The following ZKSCAN3 variants were observed in gnomAD, a reference collection of about 807,000 sequenced individuals.
ZKSCAN3 encodes the protein zinc finger protein with KRAB and SCAN domains 3.
ZKSCAN3 carries 21 observed loss-of-function variants against 30.7 expected under a neutral mutation model. That is an observed-to-expected ratio of 0.68 (90% CI 0.49 to 0.99). The LOEUF is 0.99. Among genes scored for constraint, ZKSCAN3 ranks in the 50% least tolerant of loss-of-function variants. The pLI, the probability that ZKSCAN3 is intolerant of heterozygous loss-of-function variation, is 0.00. For synonymous variants in ZKSCAN3, 201 were observed against 246.7 expected (o/e 0.81, Z 1.73); for missense variants, 507 against 647.1 (o/e 0.78, Z 2.35).
Position 28,359,764 on chromosome 6 carries a change from C to T in ZKSCAN3, c.178C>T (p.Pro60Ser). Residue 60 changes from proline (P) to serine (S), a missense_variant, in exon 2 of 6, where the codon CCC becomes TCC. Transcript: ENST00000252211. ...CTTCCGCTACCCGGAGGCTGCAGGC[C>T]CCCGCGAGGCGCTGAGTCGGCTCCG... ...RGFRYPEAAG[P>S]REALSRLREL... 1 of 1,614,178 alleles carries T rather than the reference C, an allele frequency of 6.2e-7. No homozygotes were observed. Among genetic ancestry groups the T allele is most frequent in the East Asian group, 2.2e-5 (1 of 44,886 alleles).
rs769399777 is a variant in ZKSCAN3, at chr6:28,359,714, A to AGGGCTCCCGCGAGCGCTTCCG, written c.129_149dup (p.Ser45_Gly51dup). 1.9e-6 allele frequency: 3 copies of AGGGCTCCCGCGAGCGCTTCCG among 1,614,198 alleles called. No individual in the cohort carries two copies. Among genetic ancestry groups the AGGGCTCCCGCGAGCGCTTCCG allele is most frequent in the Middle Eastern group, 1.6e-4 (1 of 6,062 alleles). On this transcript the variant is annotated inframe_insertion, in exon 2 of 6. Transcript: ENST00000252211. ...CCCAGTAGCCCAGATCTGGGTTCTG[A>AGGGCTCCCGCGAGCGCTTCCG]GGGCTCCCGCGAGCGCTTCCGAGGC...
At chr6:28,365,218 T>A (rs924635339) in intron 5 of ZKSCAN3, among the ~76,000 whole-genome samples, 2 of 151,908 alleles carry the variant, frequency 1.3e-5, no homozygotes, top group Non-Finnish European at 2.9e-5. Flanking sequence ...ACTCCCAGTG[T>A]GTACCTTTCC....
chr6:28,361,176 A>G, intron 2 of ZKSCAN3, 148 bp from the exon 3 acceptor site: 1 of 858,154 alleles, frequency 1.2e-6, no homozygotes. Context: ...TAAAATGGGT[A>G]TAATAATAAT....
intron 2 of ZKSCAN3, chr6:28,360,805 A>G (rs1765725341): frequency 2.1e-6 from 2 of 960,678 alleles, no homozygotes; most frequent in South Asian, 4.8e-5. Flanking sequence ...TGAGCTGCAC[A>G]TGAGAAAGTA....
At chr6:28,355,344 C>A (rs749649379) in intron 1 of ZKSCAN3, 2 of 152,166 alleles carry the variant, frequency 1.3e-5, no homozygotes, top group Non-Finnish European at 2.9e-5. Flanking sequence ...GTAAGTCATG[C>A]GCGCGACGAC....
chr6:28,352,720 TA>T (rs968419089), intron 1 of ZKSCAN3, among the ~76,000 whole-genome samples: 2 of 152,224 alleles, frequency 1.3e-5, no homozygotes, highest in Non-Finnish European at 2.9e-5. Context: ...ATTTTGGTAT[TA>T]TTAGCTCATG....
intron 1 of ZKSCAN3, among the ~76,000 whole-genome samples, chr6:28,359,303 G>A (rs1221304954): frequency 6.6e-6 from 1 of 152,068 alleles, no homozygotes; most frequent in Admixed American, 6.5e-5. Flanking sequence ...TTTTTTTCCT[G>A]ATTAGTCAGG....
In ZKSCAN3 at chr6:28,360,711, G is replaced by T. The variant is rs916640715; in HGVS notation, c.403-613G>T. ...GCTGGATACCAGGGTTCTTGACTTGGGTCTGTTGCACCCAAGGCCTGTAAC... is the reference window on the plus strand; with the variant it reads ...GCTGGATACCAGGGTTCTTGACTTGTGTCTGTTGCACCCAAGGCCTGTAAC... On this transcript the variant is annotated intron_variant, in intron 2 of 5. Coordinates refer to ENST00000252211, the MANE Select transcript of ZKSCAN3 (RefSeq NM_024493.4). The T allele has an allele frequency of 4.1e-6, 4 of 985,392 alleles. No homozygotes were observed. The African/African-American group carries it at 7.0e-5, about 17-fold the overall frequency. 61.0% of individuals were successfully genotyped at this position (985,392 alleles called of 1,614,324 possible). A position where few individuals can be genotyped will look rare whatever the true frequency, so the allele number is the denominator to read the frequency against.
rs1164375840 is a variant in ZKSCAN3 at position 28,359,504 on chromosome 6, T to A, written c.-62-21T>A. 11 of 1,530,712 alleles carry A rather than the reference T, an allele frequency of 7.2e-6. No homozygotes were observed. The African/African-American group carries it at 1.5e-4, about 21-fold the overall frequency. 94.8% of individuals were successfully genotyped at this position (1,530,712 alleles called of 1,614,324 possible). The stretch of plus-strand genomic sequence containing the variant: ...GACTACTTGCAAGTTTACTGGTTAA[T>A]AATGATTTCCCACCTTTCAGGGATC... On this transcript the variant is annotated intron_variant, in intron 1 of 5. Transcript: ENST00000252211.
At chr6:28,360,590 C>T (rs1366679285) in intron 2 of ZKSCAN3, 2 of 980,736 alleles carry the variant, frequency 2.0e-6, no homozygotes, top group East Asian at 1.1e-4. Context: ...CCATGTTCTT[C>T]CCTGTTTTAT....
intron 3 of ZKSCAN3, among the ~76,000 whole-genome samples, chr6:28,362,108 C>T (rs1239656290): frequency 6.6e-6 from 1 of 152,204 alleles, no homozygotes; most frequent in Admixed American, 6.5e-5. Flanking sequence ...TGTATACCAG[C>T]TACTTGTCTT....
chr6:28,361,309 A>G lies in ZKSCAN3; in HGVS notation c.403-15A>G. The stretch of plus-strand genomic sequence containing the variant: ...GTTTGATGAAAACATGAAAATAAGA[A>G]CAAATGATTTCTAGGTTTCAGGTGT... On this transcript the variant is annotated splice_polypyrimidine_tract_variant and intron_variant, in intron 2 of 5. Coordinates refer to ENST00000252211, the MANE Select transcript of ZKSCAN3 (RefSeq NM_024493.4). 1 of 1,610,330 alleles carries G rather than the reference A, an allele frequency of 6.2e-7. No individual in the cohort carries two copies. Among genetic ancestry groups the G allele is most frequent in the Non-Finnish European group, 8.5e-7 (1 of 1,179,110 alleles).
chr6:28,360,119 A>G, intron 2 of ZKSCAN3, 131 bp downstream of exon 2: 1 of 1,504,250 alleles, frequency 6.6e-7, no homozygotes. Flanking sequence ...CCTCCTTGGC[A>G]GTAAGGTGAA....
At chr6:28,361,188 C>A in intron 2 of ZKSCAN3, 136 bp from the exon 3 acceptor site, 1 of 944,512 alleles carries the variant, frequency 1.1e-6, no homozygotes, top group Non-Finnish European at 1.6e-6. Context: ...AATAATAATA[C>A]CTCCCTTATA....
At position 28,365,948 on chromosome 6, in the gene ZKSCAN3, A is replaced by G. The variant is rs1765946735; in HGVS notation, c.1280A>G (p.Gln427Arg). Reference sequence around the variant, plus strand: ...ATCCACACTGGGGAGAAGCCGTATCAGTGCAGTATGTGTGGCAAAGCCTTT... The same window carrying G: ...ATCCACACTGGGGAGAAGCCGTATCGGTGCAGTATGTGTGGCAAAGCCTTT... ...HRIHTGEKPY[Q>R]CSMCGKAFRR... The change falls in exon 6 of 6, where the codon CAG becomes CGG. Residue 427 changes from glutamine (Q) to arginine (R), a missense_variant. Physicochemically the swap from Gln to Arg is conservative, Grantham distance 43 (BLOSUM62 1). Coordinates refer to ENST00000252211, the MANE Select transcript of ZKSCAN3 (RefSeq NM_024493.4). 18 of 1,614,144 alleles carry G rather than the reference A, an allele frequency of 1.1e-5. No homozygotes were observed. Among genetic ancestry groups the G allele is most frequent in the Non-Finnish European group, 1.5e-5 (18 of 1,179,988 alleles).
rs1465240242 is a variant in ZKSCAN3 at position 28,367,198 on chromosome 6, G to A, written c.*913G>A. ...ACCAAAGTGCTGGGATTACAGGCAT[G>A]AGCCACCATGCCCGGCCAAGAATCC... On this transcript the variant is annotated 3_prime_UTR_variant, in exon 6 of 6. Transcript: ENST00000252211. 6.6e-6 allele frequency: 1 copy of A among 152,208 alleles called. No homozygotes were observed. Among genetic ancestry groups the A allele is most frequent in the African/African-American group, 2.4e-5 (1 of 41,424 alleles). 9.4% of individuals were successfully genotyped at this position (152,208 alleles called of 1,614,324 possible).
intron 3 of ZKSCAN3, 56 bp downstream of exon 3, chr6:28,361,527 A>C (rs895718339): frequency 1.8e-5 from 28 of 1,551,894 alleles, no homozygotes; most frequent in Non-Finnish European, 2.4e-5. Flanking sequence ...AATTTCATTT[A>C]AGGATAGCCA....
At chr6:28,364,826 C>T (rs1765895824) in intron 5 of ZKSCAN3, among the ~76,000 whole-genome samples, 1 of 152,128 alleles carries the variant, frequency 6.6e-6, no homozygotes, top group Admixed American at 6.5e-5. Flanking sequence ...CTCTCATGTT[C>T]AAGTGATTCT....
At chr6:28,363,959 C>T (rs549318385) in intron 5 of ZKSCAN3, 144 bp downstream of exon 5, 18 of 1,053,726 alleles carry the variant, frequency 1.7e-5, no homozygotes, top group Non-Finnish European at 2.4e-5. Context: ...TGACTAGCTC[C>T]TTACCCTTTC....
Sources: gnomAD v4.1 joint callset for allele counts (sites outside exome capture counted in the v4.1 genomes callset) on GRCh38, gnomAD v4.1.1 for gene constraint, MANE v1.5 for transcripts, NCBI Gene and HGNC (gene_info 2026-07-23, HGNC 2026-07-21) for gene names.